Variants in TMEM132D observed in about 807,000 individuals in gnomAD.
TMEM132D encodes the protein transmembrane protein 132D, also known as mature OL transmembrane protein.
In TMEM132D, 21 loss-of-function variants were observed where a neutral mutation model predicts 62.3. The observed-to-expected ratio is 0.34, with a 90% CI of 0.24 to 0.49. The LOEUF is 0.49. Among genes scored for constraint, TMEM132D ranks in the 20% least tolerant of loss-of-function variants. TMEM132D has a pLI of 0.99. For synonymous variants in TMEM132D, 621 were observed against 575.6 expected (o/e 1.08, Z -1.13); for missense variants, 1,346 against 1,402.8 (o/e 0.96, Z 0.65).
Position 129,088,728 on chromosome 12 carries a change from G to A in TMEM132D, c.1444-4026C>T, listed in dbSNP as rs573965326. Reference sequence around the variant, plus strand: ...CCCTGACCGGGTGTCCTCCCTGACCGGGTGTCCTCCATGACCGGGGTGTCC... The same window carrying A: ...CCCTGACCGGGTGTCCTCCCTGACCAGGTGTCCTCCATGACCGGGGTGTCC... On this transcript the variant is annotated intron_variant, in intron 5 of 8. Transcript: ENST00000422113. Among the ~76,000 whole-genome samples, 126 of 37,604 alleles carry A rather than the reference G, an allele frequency of 3.4e-3. 26 individuals are homozygous for A. The highest frequency in any genetic ancestry group is 0.023 in the African/African-American group (112 of 4,948). 24.7% of individuals were successfully genotyped at this position (37,604 alleles called of 152,430 possible). A position where few individuals can be genotyped will look rare whatever the true frequency, so the allele number is the denominator to read the frequency against.
At chr12:129,580,227 A>G (rs1877806395) in intron 2 of TMEM132D, among the ~76,000 whole-genome samples, 1 of 152,184 alleles carries the variant, frequency 6.6e-6, no homozygotes, top group African/African-American at 2.4e-5. Flanking sequence ...CAAGGTGAAA[A>G]AAACTCGGGT....
At chr12:129,345,339 G>A (rs865921276) in intron 3 of TMEM132D, among the ~76,000 whole-genome samples, 6 of 152,064 alleles carry the variant, frequency 3.9e-5, no homozygotes, top group Non-Finnish European at 7.4e-5. Flanking sequence ...ATACAATCTC[G>A]CAGGTTTGGA....
intron 1 of TMEM132D, among the ~76,000 whole-genome samples, chr12:129,896,450 C>A (rs1172591028): frequency 6.6e-6 from 1 of 152,154 alleles, no homozygotes; most frequent in East Asian, 1.9e-4. Context: ...CAATATCCTG[C>A]CAAACACTCT....
chr12:129,663,928 C>A (rs370372032), intron 2 of TMEM132D, among the ~76,000 whole-genome samples: 1 of 147,506 alleles, frequency 6.8e-6, no homozygotes, highest in African/African-American at 2.6e-5. Flanking sequence ...GAGATTTTAG[C>A]CATTATTCTC....
intron 2 of TMEM132D, among the ~76,000 whole-genome samples, chr12:129,582,649 C>T (rs1299670931): frequency 6.7e-6 from 1 of 149,144 alleles, no homozygotes; most frequent in African/African-American, 2.5e-5. Flanking sequence ...GACAGAGTCT[C>T]ACCTTGTCGC....
chr12:129,264,189 G>A (rs1224559617), intron 4 of TMEM132D, among the ~76,000 whole-genome samples: 2 of 152,174 alleles, frequency 1.3e-5, no homozygotes, highest in Non-Finnish European at 2.9e-5. Flanking sequence ...AGGAGTTCGA[G>A]ACCAGCCTGG....
Position 129,577,168 on chromosome 12 carries a change from T to A in TMEM132D, c.969-45963A>T, listed in dbSNP as rs1393367519. On this transcript the variant is annotated intron_variant, in intron 2 of 8. Transcript: ENST00000422113. ...AGAACCACTAGAGATCACTTTTTAT[T>A]GTGATATGCAATTTACTGGAGATGA... 7.2e-5 allele frequency among the ~76,000 whole-genome samples: 11 copies of A among 151,824 alleles called. No homozygotes were observed. The South Asian group carries it at 8.3e-4, about 11-fold the overall frequency.
At chr12:129,814,482 G>C (rs1251427315) in intron 1 of TMEM132D, among the ~76,000 whole-genome samples, 1 of 151,422 alleles carries the variant, frequency 6.6e-6, no homozygotes, top group Non-Finnish European at 1.5e-5. Context: ...TTGGTGGTGA[G>C]CACCTGTAAT....
chr12:129,278,751 A>C (rs2135607371), intron 4 of TMEM132D, among the ~76,000 whole-genome samples: 1 of 152,316 alleles, frequency 6.6e-6, no homozygotes, highest in African/African-American at 2.4e-5. Context: ...CGGGTCCCAA[A>C]CTGTCCAGAG....
At chr12:129,874,451 GTAAC>G (rs1398260782) in intron 1 of TMEM132D, among the ~76,000 whole-genome samples, 1 of 151,882 alleles carries the variant, frequency 6.6e-6, no homozygotes, top group Non-Finnish European at 1.5e-5. Context: ...TATTTTAAAA[GTAAC>G]TGTGTGAGGT....
intron 5 of TMEM132D, among the ~76,000 whole-genome samples, chr12:129,177,690 G>A (rs1877943472): frequency 6.6e-6 from 1 of 152,104 alleles, no homozygotes; most frequent in Admixed American, 6.6e-5. Context: ...CCCAGGAGTT[G>A]GAGACTGCAG....
chr12:129,390,178 G>C (rs996984227), intron 3 of TMEM132D, among the ~76,000 whole-genome samples: 1 of 152,226 alleles, frequency 6.6e-6, no homozygotes, highest in African/African-American at 2.4e-5. Flanking sequence ...GTCTACACCA[G>C]TGGCTGACTG....
At chr12:129,360,931 A>T (rs1426739795) in intron 3 of TMEM132D, among the ~76,000 whole-genome samples, 2 of 152,050 alleles carry the variant, frequency 1.3e-5, no homozygotes, top group African/African-American at 4.8e-5. Flanking sequence ...TGGGCTCTGA[A>T]AAGGTGTGGC....
intron 3 of TMEM132D, among the ~76,000 whole-genome samples, chr12:129,508,646 C>G (rs1289152515): frequency 1.3e-5 from 2 of 152,050 alleles, no homozygotes; most frequent in Non-Finnish European, 2.9e-5. Context: ...ATATCGATCT[C>G]ACCAGATTAT....
intron 1 of TMEM132D, among the ~76,000 whole-genome samples, chr12:129,770,265 T>A (rs1870697516): frequency 6.8e-6 from 1 of 147,744 alleles, no homozygotes; most frequent in Admixed American, 6.9e-5. Flanking sequence ...TGCCTCAGCC[T>A]CCCGAGTAGC....
chr12:129,613,884 G>A (rs1159528347), intron 2 of TMEM132D, among the ~76,000 whole-genome samples: 1 of 152,032 alleles, frequency 6.6e-6, no homozygotes, highest in African/African-American at 2.4e-5. Flanking sequence ...CCAGGGGACT[G>A]TCTGCAGAAC....
At chr12:129,185,875 A>G (rs530294202) in intron 5 of TMEM132D, among the ~76,000 whole-genome samples, 2 of 152,110 alleles carry the variant, frequency 1.3e-5, no homozygotes, top group East Asian at 1.9e-4. Context: ...AATGGAGTGC[A>G]TATAGAACTT....
chr12:129,795,813 T>C (rs1376796), intron 1 of TMEM132D, among the ~76,000 whole-genome samples: 1 of 151,920 alleles, frequency 6.6e-6, no homozygotes, highest in Admixed American at 6.6e-5. Flanking sequence ...GTCATTAATG[T>C]GTTATATTAT....
intron 5 of TMEM132D, among the ~76,000 whole-genome samples, chr12:129,177,255 T>C (rs749904159): frequency 2.0e-5 from 3 of 152,190 alleles, no homozygotes; most frequent in Non-Finnish European, 4.4e-5. Context: ...TGGGGCCTAA[T>C]GAATGCCTAA....
Sources: allele counts gnomAD v4.1 joint callset (sites outside exome capture counted in the v4.1 genomes callset), GRCh38; gene constraint gnomAD v4.1.1; transcripts MANE v1.5; gene names NCBI Gene and HGNC (gene_info 2026-07-23, HGNC 2026-07-21).